The following ALPK2 variants were observed in gnomAD, a reference collection of about 807,000 sequenced individuals.
ALPK2 encodes the protein alpha-protein kinase 2.
ALPK2 carries 127 observed loss-of-function variants against 163.1 expected under a neutral mutation model. That is an observed-to-expected ratio of 0.78 (90% CI 0.67 to 0.90). The LOEUF (loss-of-function observed/expected upper bound fraction) is 0.90, where lower values mean the gene tolerates loss of function less well. ALPK2 is among the 40% of genes least tolerant of loss of function. The pLI, the probability that ALPK2 is intolerant of heterozygous loss-of-function variation, is 0.00. For missense variants in ALPK2, 2,360 were observed against 2,589.6 expected, an observed-to-expected ratio of 0.91 and a Z score of 1.92; for synonymous variants, 953 against 959.1, an observed-to-expected ratio of 0.99 and a Z score of 0.12.
intron 4 of ALPK2, among the ~76,000 whole-genome samples, chr18:58,571,831 C>A (rs2051887242): frequency 6.6e-6 from 1 of 151,978 alleles, no homozygotes. Flanking sequence ...CAAAAATTAG[C>A]CAGGTGTGGT....
At chr18:58,531,120 A>G (rs984689192) in intron 5 of ALPK2, among the ~76,000 whole-genome samples, 7 of 152,286 alleles carry the variant, frequency 4.6e-5, no homozygotes, top group Middle Eastern at 3.4e-3. Context: ...GGTTGAGCAC[A>G]GGAGTTCAAG....
At chr18:58,581,738 A>T (rs888624728) in intron 3 of ALPK2, among the ~76,000 whole-genome samples, 1 of 152,212 alleles carries the variant, frequency 6.6e-6, no homozygotes. Context: ...TGACCTCACT[A>T]TAAGTATCAG....
intron 1 of ALPK2, among the ~76,000 whole-genome samples, chr18:58,623,277 G>T (rs1192608803): frequency 1.3e-5 from 2 of 151,886 alleles, no homozygotes; most frequent in Non-Finnish European, 2.9e-5. Flanking sequence ...CCACTATGTT[G>T]CCCAGGCTGT....
chr18:58,579,054 T>G lies in ALPK2; in HGVS notation c.1722A>C (p.Pro574=). Residue 574 remains proline, a synonymous_variant, in exon 4 of 13, where the codon CCA becomes CCC. Coordinates refer to ENST00000361673, the MANE Select transcript of ALPK2 (RefSeq NM_052947.4). Reference sequence around the variant, plus strand: ...TCTCTCTTTTATCACTCTGGGTTAGTGGGGGCTCAGCAGATTCTTTGGCAG... The same window carrying G: ...TCTCTCTTTTATCACTCTGGGTTAGGGGGGGCTCAGCAGATTCTTTGGCAG... The part of the protein sequence containing the change: ...LCSAKESAEP[P]LTQSDKRETS... 1.9e-6 allele frequency: 3 copies of G among 1,614,234 alleles called. No homozygotes were observed. Among genetic ancestry groups the G allele is most frequent in the Non-Finnish European group, 2.5e-6 (3 of 1,180,044 alleles).
In ALPK2 at chr18:58,481,781, T is replaced by C. The variant is rs761834474; in HGVS notation, c.*42A>G. 7.3e-6 allele frequency: 11 copies of C among 1,511,456 alleles called. No individual in the cohort carries two copies. Among genetic ancestry groups the C allele is most frequent in the Non-Finnish European group, 7.3e-6 (8 of 1,089,176 alleles). 93.6% of individuals were successfully genotyped at this position (1,511,456 alleles called of 1,614,324 possible). A position where few individuals can be genotyped will look rare whatever the true frequency, so the allele number is the denominator to read the frequency against. On this transcript the variant is annotated 3_prime_UTR_variant, in exon 13 of 13. Coordinates refer to ENST00000361673, the MANE Select transcript of ALPK2 (RefSeq NM_052947.4). Reference sequence around the variant, plus strand: ...TGGCCTCAGATTTTCCCTGGCGAGATTGTGTGCTGCTAGCCAGTGGCCATT... The same window carrying C: ...TGGCCTCAGATTTTCCCTGGCGAGACTGTGTGCTGCTAGCCAGTGGCCATT...
chr18:58,503,093 C>T (rs981732210), intron 11 of ALPK2, among the ~76,000 whole-genome samples: 4 of 152,240 alleles, frequency 2.6e-5, no homozygotes, highest in Non-Finnish European at 5.9e-5. Flanking sequence ...TATGTGAGTA[C>T]CTGTCTCAGG....
chr18:58,582,575 A>AAC (rs1162966863), intron 3 of ALPK2, among the ~76,000 whole-genome samples: 1 of 152,144 alleles, frequency 6.6e-6, no homozygotes, highest in African/African-American at 2.4e-5. Flanking sequence ...GAAAAAAAAA[A>AAC]AAAACTGTGA....
chr18:58,587,034 C>T (rs1300353795), intron 3 of ALPK2, among the ~76,000 whole-genome samples: 1 of 152,138 alleles, frequency 6.6e-6, no homozygotes, highest in East Asian at 1.9e-4. Context: ...GACCTTAAGG[C>T]TCTCTACTAG....
At chr18:58,490,030 C>G (rs2051364909) in intron 12 of ALPK2, among the ~76,000 whole-genome samples, 2 of 151,712 alleles carry the variant, frequency 1.3e-5, no homozygotes, top group Non-Finnish European at 2.9e-5. Context: ...AGGATTGTGC[C>G]ACTGCACTCC....
rs1568091160 is a variant in ALPK2 at position 58,578,744 on chromosome 18, A to ACGCGCGCG, written c.1962+69_1962+70insCGCGCGCG. ...GAAGTAAAGGAAGAGACACACACAC[A>ACGCGCGCG]CACACACACACACACACACACACAC... is the stretch of plus-strand genomic sequence containing the variant. On this transcript the variant is annotated intron_variant, in intron 4 of 12. Transcript: ENST00000361673. 4.6e-4 allele frequency: 352 copies of ACGCGCGCG among 768,534 alleles called. 4 individuals are homozygous for ACGCGCGCG. The highest frequency in any genetic ancestry group is 2.4e-3 in the African/African-American group (98 of 40,366). 47.6% of individuals were successfully genotyped at this position (768,534 alleles called of 1,614,324 possible).
At chr18:58,555,327 AG>A in intron 4 of ALPK2, among the ~76,000 whole-genome samples, 1 of 152,332 alleles carries the variant, frequency 6.6e-6, no homozygotes, top group Non-Finnish European at 1.5e-5. Context: ...TACAGTAACT[AG>A]CTTAGGTGAG....
chr18:58,573,193 T>TGTATATAG (rs2051894924), intron 4 of ALPK2, among the ~76,000 whole-genome samples: 4 of 149,314 alleles, frequency 2.7e-5, no homozygotes, highest in African/African-American at 9.9e-5. Flanking sequence ...TATGTATATG[T>TGTATATAG]GTATATATAT....
intron 5 of ALPK2, among the ~76,000 whole-genome samples, chr18:58,532,720 G>A: frequency 6.6e-6 from 1 of 152,104 alleles, no homozygotes; most frequent in Non-Finnish European, 1.5e-5. Context: ...AACCATGAGA[G>A]CTGTGTTAGG....
intron 12 of ALPK2, among the ~76,000 whole-genome samples, chr18:58,484,975 G>C (rs767219340): frequency 6.6e-6 from 1 of 152,192 alleles, no homozygotes; most frequent in African/African-American, 2.4e-5. Context: ...GTAAAGGGTA[G>C]GGGCAGAGGG....
Position 58,506,050 on chromosome 18 carries a change from C to T in ALPK2, c.6030-1902G>A, listed in dbSNP as rs1488478433. ...CCTAGCGACTTCCTTGCTTTAAATA[C>T]CGTTCAGATGCCGATGGCTTCCACA... On this transcript the variant is annotated intron_variant, in intron 10 of 12. Transcript: ENST00000361673. Among the ~76,000 whole-genome samples, 3 of 152,290 alleles carry T rather than the reference C, an allele frequency of 2.0e-5. No individual in the cohort carries two copies. The East Asian group carries it at 5.8e-4, about 29-fold the overall frequency.
intron 4 of ALPK2, among the ~76,000 whole-genome samples, chr18:58,546,628 G>A (rs2051718972): frequency 6.6e-6 from 1 of 152,144 alleles, no homozygotes; most frequent in Admixed American, 6.5e-5. Context: ...TATGACTTGA[G>A]GATTTTGGGT....
intron 3 of ALPK2, among the ~76,000 whole-genome samples, chr18:58,601,958 A>G (rs1335717952): frequency 6.6e-6 from 1 of 152,170 alleles, no homozygotes; most frequent in Non-Finnish European, 1.5e-5. Flanking sequence ...GTTCAACAGC[A>G]GGTTTGGCCT....
chr18:58,594,916 T>C (rs2052033567), intron 3 of ALPK2, among the ~76,000 whole-genome samples: 1 of 152,226 alleles, frequency 6.6e-6, no homozygotes, highest in Admixed American at 6.5e-5. Context: ...GCCCTGAGTC[T>C]TCTCCAGAGG....
chr18:58,543,564 G>A (rs1312621874), intron 4 of ALPK2, among the ~76,000 whole-genome samples: 1 of 152,222 alleles, frequency 6.6e-6, no homozygotes, highest in Non-Finnish European at 1.5e-5. Context: ...GCTGAGGCAG[G>A]ATGACCACAG....
Sources: allele counts gnomAD v4.1 joint callset (sites outside exome capture counted in the v4.1 genomes callset), GRCh38; gene constraint gnomAD v4.1.1; transcripts MANE v1.5; gene names NCBI Gene and HGNC (gene_info 2026-07-23, HGNC 2026-07-21).